Variants in DOCK7 observed in about 807,000 individuals in gnomAD.
DOCK7 encodes the protein dedicator of cytokinesis 7.
A neutral mutation model predicts 271.0 loss-of-function variants in DOCK7; 138 were observed. The ratio of observed to expected loss-of-function variants is 0.51; its 90% confidence interval spans 0.44 to 0.59. The LOEUF (loss-of-function observed/expected upper bound fraction) is 0.59. Among genes scored for constraint, DOCK7 ranks in the 20% least tolerant of loss-of-function variants. DOCK7 has a pLI of 0.00. For synonymous variants in DOCK7, 823 were observed against 876.1 expected, an observed-to-expected ratio of 0.94 and a Z score of 1.07; for missense variants, 2,066 against 2,592.4, an observed-to-expected ratio of 0.80 and a Z score of 4.41.
Position 62,647,624 on chromosome 1 carries a change from T to C in DOCK7, c.818+67A>G, listed in dbSNP as rs184935203. ...GCAACTATAAAATCTACTCAGATTT[T>C]GTTACATCACTACTAAAATTTTATC... On this transcript the variant is annotated intron_variant, in intron 7 of 49. Transcript: ENST00000635253. The C allele has an allele frequency of 3.9e-4, 422 of 1,085,348 alleles. 7 individuals carry two copies. In the Admixed American group the frequency reaches 9.0e-3, roughly 23 times the overall value. The allele number at this position is 1,085,348 out of a possible 1,614,324, so 67.2% of individuals were successfully genotyped here.
At chr1:62,598,178 T>C (rs903249951) in intron 14 of DOCK7, 16 of 1,030,390 alleles carry the variant, frequency 1.6e-5, no homozygotes, top group East Asian at 8.7e-5. Context: ...TACTTTTTTT[T>C]CCAAGAAAAA....
At chr1:62,562,924 C>G (rs1646376136) in intron 18 of DOCK7, among the ~76,000 whole-genome samples, 2 of 152,128 alleles carry the variant, frequency 1.3e-5, no homozygotes, top group Admixed American at 1.3e-4. Context: ...AATGGAGAGC[C>G]TAGGCAGCCA....
At chr1:62,513,682 T>C in intron 32 of DOCK7, 34 bp downstream of exon 32, 7 of 1,608,664 alleles carry the variant, frequency 4.4e-6, no homozygotes, top group Non-Finnish European at 5.9e-6. Flanking sequence ...GTTTCTCCTT[T>C]CTTGTTCTTT....
At position 62,515,887 on chromosome 1, in the gene DOCK7, C is replaced by T. The variant is rs1028297009; in HGVS notation, c.3937-1989G>A. ...TTGATTTTGGCATATTTTTGGCAGT[C>T]AAATGAAACAGAATAAAGAACACAA... On this transcript the variant is annotated intron_variant, in intron 31 of 49. Coordinates refer to ENST00000635253, the MANE Select transcript of DOCK7 (RefSeq NM_001367561.1). Among the ~76,000 whole-genome samples the T allele has an allele frequency of 2.0e-5, 3 of 152,112 alleles. 1 individual carries two copies. In the East Asian group the frequency reaches 5.8e-4, roughly 29 times the overall value.
At chr1:62,526,577 C>T (rs995072238) in intron 31 of DOCK7, among the ~76,000 whole-genome samples, 3 of 151,950 alleles carry the variant, frequency 2.0e-5, no homozygotes, top group African/African-American at 7.3e-5. Flanking sequence ...TCTTAGGTAT[C>T]TACCTAAGAG....
At chr1:62,657,730 A>T (rs1658193877) in intron 2 of DOCK7, among the ~76,000 whole-genome samples, 1 of 152,186 alleles carries the variant, frequency 6.6e-6, no homozygotes, top group South Asian at 2.1e-4. Context: ...AGATATAAAG[A>T]ACTAAATGGA....
At chr1:62,561,981 CATATATGTACATATATGTACAT>C (rs1215975910) in intron 18 of DOCK7, among the ~76,000 whole-genome samples, 68 of 151,066 alleles carry the variant, frequency 4.5e-4, no homozygotes, top group African/African-American at 1.5e-3. Context: ...TCTAAACCTT[CATATATGTACATATATGTACAT>C]ATATATGTAC....
intron 42 of DOCK7, 174 bp downstream of exon 42, chr1:62,488,760 T>C: frequency 1.2e-6 from 1 of 817,966 alleles, no homozygotes; most frequent in South Asian, 1.5e-5. Flanking sequence ...GGTGAATTCA[T>C]TTTTATTGTT....
intron 35 of DOCK7, among the ~76,000 whole-genome samples, chr1:62,507,363 A>G (rs1221178174): frequency 6.6e-6 from 1 of 152,220 alleles, no homozygotes; most frequent in African/African-American, 2.4e-5. Flanking sequence ...GTTATTTAAC[A>G]TCTTTGTGCC....
At chr1:62,559,774 T>C (rs1646263175) in intron 19 of DOCK7, among the ~76,000 whole-genome samples, 1 of 152,188 alleles carries the variant, frequency 6.6e-6, no homozygotes, top group South Asian at 2.1e-4. Context: ...TTGAAAGTCC[T>C]GTTTACAAGT....
In DOCK7 at chr1:62,583,393, GACGT is replaced by G; in HGVS notation, c.1801-143_1801-140del. The G allele has an allele frequency of 7.8e-6, 5 of 637,680 alleles. No homozygotes were observed. In the Admixed American group the frequency reaches 1.1e-4, roughly 14 times the overall value. 39.5% of individuals were successfully genotyped at this position (637,680 alleles called of 1,614,324 possible). A position where few individuals can be genotyped will look rare whatever the true frequency, so the allele number is the denominator to read the frequency against. ...CCCAATGAAGAACAATGTGCCTACT[GACGT>G]TCATCAAAAAGTTCAATTGCTTAAC... is the stretch of plus-strand genomic sequence containing the variant. On this transcript the variant is annotated intron_variant, in intron 15 of 49. Transcript: ENST00000635253.
intron 14 of DOCK7, among the ~76,000 whole-genome samples, chr1:62,591,301 G>T (rs182420371): frequency 2.7e-3 from 408 of 152,210 alleles, no homozygotes; most frequent in Non-Finnish European, 4.4e-3. Flanking sequence ...TAAATGATAA[G>T]AACTTATGAA....
At chr1:62,498,950 C>A (rs927360167) in intron 37 of DOCK7, among the ~76,000 whole-genome samples, 1 of 151,816 alleles carries the variant, frequency 6.6e-6, no homozygotes. Context: ...TACAGGCGCC[C>A]GCCACCATGC....
At chr1:62,587,977 A>G (rs1229964750) in intron 14 of DOCK7, among the ~76,000 whole-genome samples, 1 of 152,180 alleles carries the variant, frequency 6.6e-6, no homozygotes, top group East Asian at 1.9e-4. Context: ...AAAAAGCAAT[A>G]AAGTAATTGC....
chr1:62,636,397 C>T (rs1333289715), intron 8 of DOCK7, 140 bp downstream of exon 8: 1 of 636,712 alleles, frequency 1.6e-6, no homozygotes, highest in East Asian at 3.1e-5. Flanking sequence ...TTTAACTAGT[C>T]CTAATAAGTT....
chr1:62,595,376 C>T (rs914096235), intron 14 of DOCK7, among the ~76,000 whole-genome samples: 1 of 152,056 alleles, frequency 6.6e-6, no homozygotes. Flanking sequence ...ATCTTTTATA[C>T]GACCCTATAA....
intron 2 of DOCK7, among the ~76,000 whole-genome samples, chr1:62,662,754 C>T (rs1008533442): frequency 1.3e-5 from 2 of 151,764 alleles, no homozygotes; most frequent in Admixed American, 1.3e-4. Flanking sequence ...GAGTGAGACT[C>T]GGTCTCAAAA....
At chr1:62,508,369 A>T (rs1407381365) in intron 34 of DOCK7, among the ~76,000 whole-genome samples, 1 of 152,198 alleles carries the variant, frequency 6.6e-6, no homozygotes, top group Non-Finnish European at 1.5e-5. Flanking sequence ...AGGTGGTGCT[A>T]TGTGGGCTTG....
chr1:62,459,031 A>G (rs1645435114), intron 48 of DOCK7: 1 of 152,212 alleles, frequency 6.6e-6, no homozygotes, highest in Admixed American at 6.5e-5. Flanking sequence ...CTAAAACTGA[A>G]GAGTTAAGCA....
Sources: gnomAD v4.1 joint callset for allele counts (sites outside exome capture counted in the v4.1 genomes callset) on GRCh38, gnomAD v4.1.1 for gene constraint, MANE v1.5 for transcripts, NCBI Gene and HGNC (gene_info 2026-07-23, HGNC 2026-07-21) for gene names.